Variants in XRCC6 observed in about 807,000 individuals in gnomAD.
XRCC6 encodes X-ray repair cross complementing 6.
A neutral mutation model predicts 65.7 loss-of-function variants in XRCC6; 5 were observed. That is an observed-to-expected ratio of 0.08 (90% CI 0.04 to 0.16). The LOEUF is 0.16. Among genes scored for constraint, XRCC6 ranks in the 10% least tolerant of loss-of-function variants. XRCC6 has a pLI of 1.00. For synonymous variants in XRCC6, 270 were observed against 270.6 expected, an observed-to-expected ratio of 1.00 and a Z score of 0.02; for missense variants, 447 against 738.1, an observed-to-expected ratio of 0.61 and a Z score of 4.57.
intron 12 of XRCC6, among the ~76,000 whole-genome samples, chr22:41,663,331 A>G (rs188004776): frequency 1.2e-4 from 18 of 152,284 alleles, no homozygotes; most frequent in Admixed American, 8.5e-4. Flanking sequence ...GAACCTGTAA[A>G]AGATTTTCAA....
chr22:41,653,847 A>G (rs2068022502), intron 9 of XRCC6, among the ~76,000 whole-genome samples, 157 bp downstream of exon 9: 1 of 152,140 alleles, frequency 6.6e-6, no homozygotes, highest in South Asian at 2.1e-4. Flanking sequence ...GTGCACAGCC[A>G]GGTAAGGCCA....
chr22:41,654,697 AAAG>A (rs1271038661), intron 9 of XRCC6, among the ~76,000 whole-genome samples: 2 of 152,204 alleles, frequency 1.3e-5, no homozygotes, highest in African/African-American at 4.8e-5. Flanking sequence ...GGTAAGGAAA[AAAG>A]GGGCGAGGGT....
At chr22:41,655,912 G>A (rs1317815437) in intron 9 of XRCC6, among the ~76,000 whole-genome samples, 2 of 151,722 alleles carry the variant, frequency 1.3e-5, no homozygotes, top group Non-Finnish European at 2.9e-5. Context: ...TACTGCCACA[G>A]TACATGAGAA....
chr22:41,626,386 A>G (rs908658422), intron 2 of XRCC6, among the ~76,000 whole-genome samples: 1 of 152,116 alleles, frequency 6.6e-6, no homozygotes, highest in African/African-American at 2.4e-5. Flanking sequence ...CGTGATCCAC[A>G]TGCCTCGGCC....
intron 8 of XRCC6, among the ~76,000 whole-genome samples, chr22:41,652,698 C>CAG (rs28741130): frequency 0.84 from 127,028 of 151,892 alleles, 54,057 homozygotes; most frequent in African/African-American, 0.95. Context: ...TGTTTTGAAA[C>CAG]AGTCTCACTC....
At chr22:41,629,926 A>G (rs1459954350) in intron 3 of XRCC6, among the ~76,000 whole-genome samples, 1 of 150,378 alleles carries the variant, frequency 6.6e-6, no homozygotes, top group Non-Finnish European at 1.5e-5. Context: ...TCGGCCTCCC[A>G]AAGTGCTGGG....
intron 6 of XRCC6, among the ~76,000 whole-genome samples, chr22:41,641,812 G>T (rs1453471353): frequency 6.6e-6 from 1 of 151,418 alleles, no homozygotes; most frequent in Non-Finnish European, 1.5e-5. Context: ...TTTTTTTTGA[G>T]CCTGAGTCTT....
intron 10 of XRCC6, among the ~76,000 whole-genome samples, chr22:41,657,880 G>A (rs1010407983): frequency 2.1e-4 from 32 of 152,008 alleles, no homozygotes; most frequent in Admixed American, 3.3e-4. Flanking sequence ...CTGGAGTACC[G>A]TGGCACGATC....
chr22:41,631,398 C>T (rs915606852), intron 3 of XRCC6, among the ~76,000 whole-genome samples: 37 of 151,074 alleles, frequency 2.4e-4, no homozygotes, highest in Non-Finnish European at 4.4e-4. Flanking sequence ...AGAGGGGCTC[C>T]TCACTTCTCC....
chr22:41,640,076 C>T (rs1426413463), intron 6 of XRCC6, among the ~76,000 whole-genome samples: 1 of 152,246 alleles, frequency 6.6e-6, no homozygotes, highest in South Asian at 2.1e-4. Context: ...CTTGCCCAGG[C>T]TGGAGTACAA....
chr22:41,639,714 G>A (rs1433444146), intron 6 of XRCC6, among the ~76,000 whole-genome samples: 3 of 125,748 alleles, frequency 2.4e-5, no homozygotes, highest in Non-Finnish European at 4.8e-5. Flanking sequence ...CCGGGCTGGA[G>A]TGCAGTGGTG....
At chr22:41,656,518 A>C (rs1301539493) in intron 9 of XRCC6, among the ~76,000 whole-genome samples, 1 of 147,894 alleles carries the variant, frequency 6.8e-6, no homozygotes, top group Non-Finnish European at 1.5e-5. Flanking sequence ...CTCCATCTCA[A>C]AAAAAAAAAA....
chr22:41,626,421 G>A (rs1038395602), intron 2 of XRCC6, among the ~76,000 whole-genome samples: 4 of 151,956 alleles, frequency 2.6e-5, no homozygotes, highest in Non-Finnish European at 4.4e-5. Flanking sequence ...GATTACAGGC[G>A]TGAGCCACTG....
chr22:41,628,381 A>T (rs2067702083), intron 3 of XRCC6, 151 bp downstream of exon 3: 1 of 553,652 alleles, frequency 1.8e-6, no homozygotes. Flanking sequence ...AACATGGAGA[A>T]ACCCCGTCTC....
intron 12 of XRCC6, among the ~76,000 whole-genome samples, chr22:41,663,204 G>C (rs1037985204): frequency 3.9e-5 from 6 of 152,030 alleles, no homozygotes; most frequent in African/African-American, 1.2e-4. Flanking sequence ...TCCTGGGCTC[G>C]AGTGATCCTG....
chr22:41,649,126 C>CAAA lies in XRCC6; in HGVS notation c.961-1585_961-1583dup, dbSNP rs1335320703. On this transcript the variant is annotated intron_variant, in intron 7 of 12. Transcript: ENST00000360079. Reference sequence around the variant, plus strand: ...GGTGCACAGCCTGGGGAAGAGAGTACAAAAAAAAAAAAAATATATATATAT... The same window carrying CAAA: ...GGTGCACAGCCTGGGGAAGAGAGTACAAAAAAAAAAAAAAAAATATATATATAT... Among the ~76,000 whole-genome samples, 754 of 90,200 alleles carry CAAA rather than the reference C, an allele frequency of 8.4e-3. 11 individuals are homozygous for CAAA. The highest frequency in any genetic ancestry group is 0.012 in the Non-Finnish European group (591 of 47,848). 59.2% of individuals were successfully genotyped at this position (90,200 alleles called of 152,430 possible).
chr22:41,635,940 A>G (rs764960402), intron 3 of XRCC6, among the ~76,000 whole-genome samples, 173 bp from the exon 4 acceptor site: 1 of 152,112 alleles, frequency 6.6e-6, no homozygotes, highest in East Asian at 1.9e-4. Flanking sequence ...TTAAAATTTG[A>G]TATTTATGCC....
chr22:41,625,401 G>C (rs1031746490), intron 2 of XRCC6, among the ~76,000 whole-genome samples: 12 of 151,970 alleles, frequency 7.9e-5, no homozygotes, highest in African/African-American at 2.2e-4. Flanking sequence ...GGAGGCTGAG[G>C]CAGGCTATCA....
chr22:41,663,204 G>A (rs1037985204), intron 12 of XRCC6, among the ~76,000 whole-genome samples: 1 of 152,030 alleles, frequency 6.6e-6, no homozygotes, highest in South Asian at 2.1e-4. Flanking sequence ...TCCTGGGCTC[G>A]AGTGATCCTG....
Sources: gnomAD v4.1 joint callset for allele counts (sites outside exome capture counted in the v4.1 genomes callset) on GRCh38, gnomAD v4.1.1 for gene constraint, MANE v1.5 for transcripts, NCBI Gene and HGNC (gene_info 2026-07-23, HGNC 2026-07-21) for gene names.